PIK3CB: variants seen among roughly 807,000 people sequenced by gnomAD.
PIK3CB encodes the protein phosphatidylinositol 4,5-bisphosphate 3-kinase catalytic subunit beta isoform.
In PIK3CB, 39 loss-of-function variants were observed where a neutral mutation model predicts 136.8. The ratio of observed to expected loss-of-function variants is 0.29; its 90% CI spans 0.22 to 0.37. PIK3CB has a LOEUF of 0.37. Ranked by LOEUF, PIK3CB falls within the 10% of genes least tolerant of loss-of-function variation. The pLI, the probability that PIK3CB is intolerant of heterozygous loss-of-function variation, is 1.00. For missense variants in PIK3CB, 868 were observed against 1,275.4 expected (o/e 0.68, Z 4.87); for synonymous variants, 428 against 436.6 (o/e 0.98, Z 0.25).
intron 16 of PIK3CB, among the ~76,000 whole-genome samples, chr3:138,687,356 G>A (rs1455263552): frequency 6.6e-6 from 1 of 152,150 alleles, no homozygotes; most frequent in Non-Finnish European, 1.5e-5. Flanking sequence ...ATGACAATAA[G>A]CAAGTTATGA....
intron 1 of PIK3CB, among the ~76,000 whole-genome samples, chr3:138,822,584 G>T (rs1463809393): frequency 2.0e-5 from 3 of 151,124 alleles, no homozygotes; most frequent in African/African-American, 4.9e-5. Context: ...AGCCAGGTAC[G>T]GTGGCTCAAC....
chr3:138,720,514 C>G (rs1459072793), intron 8 of PIK3CB, among the ~76,000 whole-genome samples: 1 of 152,206 alleles, frequency 6.6e-6, no homozygotes, highest in African/African-American at 2.4e-5. Context: ...CCTGCCTCCT[C>G]TCCATCCCAA....
chr3:138,801,646 G>A (rs113982664), intron 1 of PIK3CB, among the ~76,000 whole-genome samples: 2,938 of 151,816 alleles, frequency 0.019, 41 homozygotes, highest in Non-Finnish European at 0.031. Context: ...CGAGGCAGGT[G>A]GATCAGGAGG....
At chr3:138,768,650 G>A (rs2045763432) in intron 2 of PIK3CB, among the ~76,000 whole-genome samples, 1 of 152,162 alleles carries the variant, frequency 6.6e-6, no homozygotes. Flanking sequence ...CCAAGCTGTA[G>A]GTACCGCCTA....
At chr3:138,667,344 C>T (rs1331801994) in intron 19 of PIK3CB, among the ~76,000 whole-genome samples, 1 of 151,700 alleles carries the variant, frequency 6.6e-6, no homozygotes, top group African/African-American at 2.4e-5. Context: ...TTCCTGTTGG[C>T]CATGTAAGGA....
intron 8 of PIK3CB, among the ~76,000 whole-genome samples, chr3:138,716,981 C>T (rs981628994): frequency 6.9e-6 from 1 of 145,294 alleles, no homozygotes. Context: ...ACAGGCTGGG[C>T]ACGGTGGCTC....
intron 2 of PIK3CB, among the ~76,000 whole-genome samples, chr3:138,790,249 T>C (rs1055972367): frequency 6.6e-6 from 1 of 152,060 alleles, no homozygotes; most frequent in African/African-American, 2.4e-5. Flanking sequence ...GATGAAAAAG[T>C]TCTGGAGATG....
At chr3:138,701,043 G>T (rs892348959) in intron 12 of PIK3CB, among the ~76,000 whole-genome samples, 1 of 152,034 alleles carries the variant, frequency 6.6e-6, no homozygotes, top group Non-Finnish European at 1.5e-5. Context: ...AGCCGATATT[G>T]CCTCCTGATA....
chr3:138,679,187 T>G (rs1479107362), intron 19 of PIK3CB, among the ~76,000 whole-genome samples: 2 of 152,204 alleles, frequency 1.3e-5, no homozygotes, highest in African/African-American at 4.8e-5. Flanking sequence ...GTAACATACC[T>G]ACGAAGTGAC....
intron 4 of PIK3CB, among the ~76,000 whole-genome samples, chr3:138,747,410 GATGATTAGAGT>G (rs1465878369): frequency 6.6e-6 from 1 of 152,046 alleles, no homozygotes; most frequent in African/African-American, 2.4e-5. Context: ...CTCAAGTGGA[GATGATTAGAGT>G]CACATGGCAT....
In PIK3CB at chr3:138,712,157, T is replaced by C. The variant is rs190565424; in HGVS notation, c.1399+51A>G. The C allele has an allele frequency of 3.0e-4, 249 of 835,094 alleles. No individual in the cohort carries two copies. The East Asian group carries it at 4.6e-3, about 15-fold the overall frequency. 51.7% of individuals were successfully genotyped at this position (835,094 alleles called of 1,614,324 possible). ...ATTCATAAATATTACCTAGTCCACA[T>C]GCCAAAAGTTAGTTATGCTTTAACA... On this transcript the variant is annotated intron_variant, in intron 10 of 23. Coordinates refer to ENST00000674063, the MANE Select transcript of PIK3CB (RefSeq NM_006219.3).
At chr3:138,819,647 C>T (rs540131052) in intron 1 of PIK3CB, among the ~76,000 whole-genome samples, 456 of 152,144 alleles carry the variant, frequency 3.0e-3, no homozygotes, top group Non-Finnish European at 4.9e-3. Flanking sequence ...TTATATAATT[C>T]GTATGAGGTA....
rs373126790 is a variant in PIK3CB, at chr3:138,746,566, CA to C, written c.398-3786del. Among the ~76,000 whole-genome samples, 58 of 152,078 alleles carry C rather than the reference CA, an allele frequency of 3.8e-4. 1 individual carries two copies. The South Asian group carries it at 0.012, about 30-fold the overall frequency. On this transcript the variant is annotated intron_variant, in intron 4 of 23. Coordinates refer to ENST00000674063, the MANE Select transcript of PIK3CB (RefSeq NM_006219.3). The stretch of plus-strand genomic sequence containing the variant: ...GTCCCAGCTCCTCGGGAGGCTGAGG[CA>C]GGAGAATGGCATGAACCTGGGAGGT...
intron 2 of PIK3CB, among the ~76,000 whole-genome samples, chr3:138,763,998 C>T (rs1390275971): frequency 6.6e-6 from 1 of 151,594 alleles, no homozygotes; most frequent in African/African-American, 2.4e-5. Context: ...GTAATCCCAG[C>T]TACTTGGGAG....
At chr3:138,810,922 AAAAT>A (rs533682097) in intron 1 of PIK3CB, among the ~76,000 whole-genome samples, 33 of 151,418 alleles carry the variant, frequency 2.2e-4, no homozygotes, top group African/African-American at 6.8e-4. Flanking sequence ...TCCGTCTCAA[AAAAT>A]AAATAAATAA....
intron 16 of PIK3CB, among the ~76,000 whole-genome samples, chr3:138,685,396 CAAA>C (rs398052626): frequency 1.7e-5 from 1 of 58,354 alleles, no homozygotes; most frequent in East Asian, 4.2e-4. Flanking sequence ...GAAACTGTCT[CAAA>C]AAAAAAAAAA....
chr3:138,802,708 T>C (rs1192327735), intron 1 of PIK3CB, among the ~76,000 whole-genome samples: 1 of 152,146 alleles, frequency 6.6e-6, no homozygotes, highest in Non-Finnish European at 1.5e-5. Flanking sequence ...AGGATCTCTA[T>C]CTATCATTTG....
chr3:138,740,042 T>C (rs998717303), intron 5 of PIK3CB, among the ~76,000 whole-genome samples: 2 of 151,800 alleles, frequency 1.3e-5, no homozygotes, highest in African/African-American at 4.8e-5. Context: ...TGCCTTGATC[T>C]TGGACTTCCC....
intron 4 of PIK3CB, among the ~76,000 whole-genome samples, chr3:138,744,787 G>A (rs1275287709): frequency 1.3e-5 from 2 of 152,080 alleles, no homozygotes; most frequent in Non-Finnish European, 2.9e-5. Context: ...TTTGTTTTCG[G>A]GCACTGTTTC....
Sources: allele counts gnomAD v4.1 joint callset (sites outside exome capture counted in the v4.1 genomes callset), GRCh38; gene constraint gnomAD v4.1.1; transcripts MANE v1.5; gene names NCBI Gene and HGNC (gene_info 2026-07-23, HGNC 2026-07-21).